The following BABAM2 variants were observed in gnomAD, a reference collection of about 807,000 sequenced individuals.
BABAM2 encodes BRISC and BRCA1-A complex member 2.
A neutral mutation model predicts 54.7 loss-of-function variants in BABAM2; 31 were observed. That is an observed-to-expected ratio of 0.57 (90% confidence interval 0.43 to 0.77). BABAM2 has a LOEUF of 0.77. Ranked by LOEUF, BABAM2 falls within the 30% of genes least tolerant of loss-of-function variation. BABAM2 has a pLI of 0.00. For missense variants in BABAM2, 364 were observed against 455.8 expected (o/e 0.80, Z 1.83); for synonymous variants, 167 against 162.9 (o/e 1.03, Z -0.19).
chr2:28,096,019 A>C (rs924768773), intron 6 of BABAM2, among the ~76,000 whole-genome samples: 1 of 152,176 alleles, frequency 6.6e-6, no homozygotes, highest in African/African-American at 2.4e-5. Context: ...TTTGGATTCA[A>C]ATCTGGATTA....
At chr2:27,889,540 G>T (rs1388887667), upstream of BABAM2, among the ~76,000 whole-genome samples, 1 of 152,042 alleles carries the variant, frequency 6.6e-6, no homozygotes, top group Non-Finnish European at 1.5e-5. Flanking sequence ...TTAAAAAAAA[G>T]AAAAATCAGA....
At position 28,123,368 on chromosome 2, in the gene BABAM2, G is replaced by A. The variant is rs951512268; in HGVS notation, c.571-5903G>A. Among the ~76,000 whole-genome samples, 5 of 152,294 alleles carry A rather than the reference G, an allele frequency of 3.3e-5. No homozygotes were observed. In the East Asian group the frequency reaches 7.7e-4, roughly 23 times the overall value. On this transcript the variant is annotated intron_variant, in intron 6 of 11. Transcript: ENST00000379624. ...CTGGCAGACTTTTATAAAGGTGGGG[G>A]ACAATAGTCTTCTTTAGCTTTATCA... is the stretch of plus-strand genomic sequence containing the variant.
At chr2:28,260,439 T>C in intron 10 of BABAM2, among the ~76,000 whole-genome samples, 1 of 149,374 alleles carries the variant, frequency 6.7e-6, no homozygotes, top group East Asian at 1.9e-4. Context: ...GTAGCTGGGA[T>C]TACAGGTGCC....
chr2:27,890,242 T>C (rs780706666), upstream of BABAM2: 9 of 1,612,156 alleles, frequency 5.6e-6, no homozygotes, highest in Admixed American at 1.2e-4. This position sits in a 1 kb window ranked among gnomAD's most constrained non-coding sequence, Gnocchi z 4.8. Flanking sequence ...ACTGAGTAAC[T>C]GGCCCCGGAC....
intron 6 of BABAM2, among the ~76,000 whole-genome samples, chr2:28,103,122 C>T (rs550667507): frequency 1.2e-4 from 18 of 149,600 alleles, no homozygotes; most frequent in African/African-American, 4.4e-4. Context: ...AAAATTTACT[C>T]AATACTTGAA....
chr2:28,284,602 C>T (rs530938593), intron 10 of BABAM2, among the ~76,000 whole-genome samples: 16 of 152,124 alleles, frequency 1.1e-4, no homozygotes, highest in South Asian at 8.3e-4. Context: ...CCCATTTGAC[C>T]GTAGATTCTC....
At chr2:28,208,896 C>T (rs967492291) in intron 7 of BABAM2, among the ~76,000 whole-genome samples, 1 of 151,982 alleles carries the variant, frequency 6.6e-6, no homozygotes, top group African/African-American at 2.4e-5. Context: ...AGGATTCACC[C>T]GTCTTTCTTC....
At chr2:28,205,496 C>T (rs918597992) in intron 7 of BABAM2, among the ~76,000 whole-genome samples, 4 of 151,976 alleles carry the variant, frequency 2.6e-5, no homozygotes, top group South Asian at 2.1e-4. Context: ...AGCAAGACTC[C>T]GTCTCAAAAA....
chr2:27,916,789 A>T (rs985223823), intron 2 of BABAM2, among the ~76,000 whole-genome samples: 1 of 152,166 alleles, frequency 6.6e-6, no homozygotes, highest in African/African-American at 2.4e-5. Flanking sequence ...ACCCAAGCTA[A>T]AAGTGGTTTC....
chr2:28,176,984 T>C (rs932172724), intron 7 of BABAM2, among the ~76,000 whole-genome samples: 2 of 152,276 alleles, frequency 1.3e-5, no homozygotes, highest in African/African-American at 4.8e-5. Context: ...TAGAAAAGCC[T>C]GTTTAATGAA....
At chr2:28,260,841 GT>G (rs758075746) in intron 10 of BABAM2, among the ~76,000 whole-genome samples, 3 of 151,230 alleles carry the variant, frequency 2.0e-5, no homozygotes, top group Non-Finnish European at 4.4e-5. Flanking sequence ...ATGTTTTGTA[GT>G]TTTCAATATA....
At chr2:28,150,123 A>G (rs1273266503) in intron 7 of BABAM2, among the ~76,000 whole-genome samples, 1 of 152,228 alleles carries the variant, frequency 6.6e-6, no homozygotes, top group East Asian at 1.9e-4. Flanking sequence ...TGCTTTGCAT[A>G]TAGAATCTCA....
chr2:28,053,267 G>A (rs1460810882), intron 6 of BABAM2, among the ~76,000 whole-genome samples: 2 of 152,110 alleles, frequency 1.3e-5, no homozygotes, highest in Non-Finnish European at 2.9e-5. Flanking sequence ...AATCAGTAAA[G>A]TCACACTTAA....
chr2:28,003,728 T>C (rs1023502029), intron 4 of BABAM2, among the ~76,000 whole-genome samples: 2 of 152,216 alleles, frequency 1.3e-5, no homozygotes, highest in Admixed American at 6.5e-5. Context: ...ATGCAGGATC[T>C]ATGTATTTAT....
chr2:28,212,576 G>C (rs184947060), intron 7 of BABAM2, among the ~76,000 whole-genome samples: 1 of 151,964 alleles, frequency 6.6e-6, no homozygotes, highest in Admixed American at 6.5e-5. Context: ...AATATTTCTA[G>C]TTTATCTTTA....
intron 7 of BABAM2, among the ~76,000 whole-genome samples, chr2:28,231,177 G>A (rs1681350195): frequency 6.6e-6 from 1 of 152,158 alleles, no homozygotes; most frequent in Admixed American, 6.5e-5. Flanking sequence ...TTGTTGTGAG[G>A]TTTAGAGATC....
At chr2:28,021,713 G>T (rs1267455485) in intron 4 of BABAM2, among the ~76,000 whole-genome samples, 1 of 151,954 alleles carries the variant, frequency 6.6e-6, no homozygotes, top group Non-Finnish European at 1.5e-5. Context: ...ATGTATTCCT[G>T]TACCTTATCC....
intron 7 of BABAM2, among the ~76,000 whole-genome samples, chr2:28,234,733 A>T (rs944876485): frequency 6.6e-6 from 1 of 152,156 alleles, no homozygotes; most frequent in African/African-American, 2.4e-5. Flanking sequence ...TTTTTCTTGC[A>T]CTGTGGATTA....
In BABAM2 at chr2:28,325,736, A is replaced by AG. The variant is rs1572421703; in HGVS notation, c.1089-12708dup. On this transcript the variant is annotated intron_variant, in intron 11 of 11. Transcript: ENST00000379624. This position sits in a 1 kb window ranked among gnomAD's most constrained non-coding sequence, Gnocchi z 4.3. ...CCCCCACATCCTCAAACACCCAGCC[A>AG]GGGGGGTGAATGTCCCAGAGTGTTG... is the stretch of plus-strand genomic sequence containing the variant. Among the ~76,000 whole-genome samples the AG allele has an allele frequency of 6.6e-6, 1 of 152,134 alleles. No homozygotes were observed. The highest frequency in any genetic ancestry group is 2.4e-5 in the African/African-American group (1 of 41,432).
Sources: gnomAD v4.1 joint callset for allele counts (sites outside exome capture counted in the v4.1 genomes callset) on GRCh38, gnomAD v4.1.1 for gene constraint, Gnocchi (gnomAD v3.1) non-coding constraint, MANE v1.5 for transcripts, NCBI Gene and HGNC (gene_info 2026-07-23, HGNC 2026-07-21) for gene names.